AMZ1: variants seen among roughly 807,000 people sequenced by gnomAD.
AMZ1 encodes archaemetzincin-1.
Under a neutral mutation model 29.9 loss-of-function variants are expected in AMZ1, and 39 were observed. The ratio of observed to expected loss-of-function variants is 1.30; its 90% CI spans 1.01 to 1.70. The LOEUF is 1.70. Ranked by LOEUF, AMZ1 falls within the 40% of genes most tolerant of loss-of-function variation. AMZ1 has a pLI of 0.00. For synonymous variants in AMZ1, 458 were observed against 304.0 expected, an observed-to-expected ratio of 1.51 and a Z score of -5.27; for missense variants, 1,041 against 680.6, an observed-to-expected ratio of 1.53 and a Z score of -5.89.
upstream of AMZ1, among the ~76,000 whole-genome samples, chr7:2,688,020 G>T (rs544572262): frequency 6.6e-6 from 1 of 152,144 alleles, no homozygotes; most frequent in South Asian, 2.1e-4. Context: ...CCCCCTGCCC[G>T]GGTGTTTCTG....
At chr7:2,761,401 A>T (rs529034503), upstream of AMZ1, among the ~76,000 whole-genome samples, 1 of 152,368 alleles carries the variant, frequency 6.6e-6, no homozygotes, top group South Asian at 2.1e-4. Flanking sequence ...TGTGCCACAC[A>T]GACTCCCAAG....
At chr7:2,693,416 G>A (rs1001738319) in intron 1 of AMZ1, among the ~76,000 whole-genome samples, 2 of 152,074 alleles carry the variant, frequency 1.3e-5, no homozygotes, top group African/African-American at 4.8e-5. Context: ...GGGTCTTGCT[G>A]TCATCCAGGC....
chr7:2,708,555 T>A, intron 3 of AMZ1, 33 bp from the exon 4 acceptor site: 1 of 1,610,030 alleles, frequency 6.2e-7, no homozygotes, highest in Non-Finnish European at 8.5e-7. Flanking sequence ...CCCGGCTGCC[T>A]CCTGACCCCA....
At chr7:2,752,925 T>G (rs1382239768) in intron 4 of AMZ1, among the ~76,000 whole-genome samples, 1 of 152,188 alleles carries the variant, frequency 6.6e-6, no homozygotes, top group Non-Finnish European at 1.5e-5. Flanking sequence ...CCTGTCTAGA[T>G]TTGTGTAACC....
At chr7:2,723,655 G>T (rs1357015560), downstream of AMZ1, among the ~76,000 whole-genome samples, 1 of 152,166 alleles carries the variant, frequency 6.6e-6, no homozygotes, top group Non-Finnish European at 1.5e-5. Flanking sequence ...TCTCGGGGAC[G>T]ATTCAGATCA....
At chr7:2,709,289 T>C (rs1788591464) in intron 5 of AMZ1, 45 bp downstream of exon 5, 2 of 1,465,236 alleles carry the variant, frequency 1.4e-6, no homozygotes, top group Non-Finnish European at 9.0e-7. Flanking sequence ...AGGAGGGTGC[T>C]GTCTGAGCCC....
intron 4 of AMZ1, chr7:2,729,737 G>A (rs1191563970): frequency 6.6e-6 from 1 of 152,384 alleles, no homozygotes; most frequent in African/African-American, 2.4e-5. Flanking sequence ...CCAATTAAGA[G>A]GACGCTTTTC....
Position 2,719,171 on chromosome 7 carries a change from G to A in AMZ1, c.*6293G>A, listed in dbSNP as rs564282612. 6.6e-6 allele frequency among the ~76,000 whole-genome samples: 1 copy of A among 152,334 alleles called. No individual in the cohort carries two copies. The highest frequency in any genetic ancestry group is 1.5e-5 in the Non-Finnish European group (1 of 68,026). On this transcript the variant is annotated 3_prime_UTR_variant, in exon 7 of 7. Transcript: ENST00000683327. Reference sequence around the variant, plus strand: ...GATGCGGGCAGCAGCTTTGTCGGCTGCCAACCCAACTCCTCCGACAGAACG... The same window carrying A: ...GATGCGGGCAGCAGCTTTGTCGGCTACCAACCCAACTCCTCCGACAGAACG...
At chr7:2,743,992 A>G (rs924185403) in intron 4 of AMZ1, among the ~76,000 whole-genome samples, 1 of 152,206 alleles carries the variant, frequency 6.6e-6, no homozygotes. Context: ...ACCATTGCCG[A>G]GACTTGATTA....
At chr7:2,726,407 G>A (rs115576782) in intron 4 of AMZ1, among the ~76,000 whole-genome samples, 1 of 152,098 alleles carries the variant, frequency 6.6e-6, no homozygotes, top group Admixed American at 6.6e-5. Context: ...CATCAGAACC[G>A]CCTGGGACAT....
At chr7:2,733,544 G>A (rs548681574) in intron 4 of AMZ1, 14 of 1,461,398 alleles carry the variant, frequency 9.6e-6, no homozygotes, top group Admixed American at 1.7e-5. Context: ...CTGGACTGAG[G>A]AATCCTGATG....
chr7:2,726,921 A>C (rs186932961), intron 4 of AMZ1, among the ~76,000 whole-genome samples: 1 of 152,232 alleles, frequency 6.6e-6, no homozygotes, highest in Admixed American at 6.5e-5. Context: ...CCCCATGGGC[A>C]CCGCTGGTCT....
rs767859682 is a variant in AMZ1, at chr7:2,700,562, C to A, written c.111C>A (p.Ser37=). ...ALQQLYVSAF[S]PAERLFLAEA... ...AGCAGCTGTATGTGTCCGCCTTCTC[C>A]CCTGCCGAGCGGCTCTTCCTGGCCG... The change falls in exon 2 of 7, where the codon TCC becomes TCA. Residue 37 remains serine, a synonymous_variant. Coordinates refer to ENST00000683327, the MANE Select transcript of AMZ1 (RefSeq NM_001384743.1). 9 of 1,609,800 alleles carry A rather than the reference C, an allele frequency of 5.6e-6. No individual in the cohort carries two copies. In the Middle Eastern group the frequency reaches 8.2e-4, roughly 147 times the overall value.
At chr7:2,707,040 C>G (rs559308336) in intron 3 of AMZ1, among the ~76,000 whole-genome samples, 1 of 152,150 alleles carries the variant, frequency 6.6e-6, no homozygotes, top group East Asian at 1.9e-4. Context: ...TTTGGGAGAC[C>G]GAGGCAGACG....
chr7:2,701,393 G>A (rs769660096), intron 2 of AMZ1, among the ~76,000 whole-genome samples: 1 of 152,194 alleles, frequency 6.6e-6, no homozygotes, highest in Non-Finnish European at 1.5e-5. Context: ...CCCTGGGGCT[G>A]GGGTGCTCAT....
chr7:2,762,738 C>A, upstream of AMZ1: 1 of 1,555,480 alleles, frequency 6.4e-7, no homozygotes, highest in Non-Finnish European at 8.7e-7. Context: ...TGTCCTCCCT[C>A]CCGCAGGAAG....
chr7:2,756,443 T>C (rs1233748174), intron 4 of AMZ1, among the ~76,000 whole-genome samples: 1 of 152,006 alleles, frequency 6.6e-6, no homozygotes, highest in African/African-American at 2.4e-5. Flanking sequence ...TGAGACCTCA[T>C]CTCTGCAAAA....
chr7:2,733,963 G>T (rs1243571690), intron 4 of AMZ1, among the ~76,000 whole-genome samples: 1 of 152,242 alleles, frequency 6.6e-6, no homozygotes, highest in Non-Finnish European at 1.5e-5. Context: ...TGACGAAAAG[G>T]AGCATCTAGC....
At chr7:2,733,840 C>T (rs1401819511) in intron 4 of AMZ1, among the ~76,000 whole-genome samples, 1 of 152,164 alleles carries the variant, frequency 6.6e-6, no homozygotes, top group Non-Finnish European at 1.5e-5. Flanking sequence ...GCCATGCGGC[C>T]AGCAAAGGAC....
Sources: allele counts gnomAD v4.1 joint callset (sites outside exome capture counted in the v4.1 genomes callset), GRCh38; gene constraint gnomAD v4.1.1; transcripts MANE v1.5; gene names NCBI Gene and HGNC (gene_info 2026-07-23, HGNC 2026-07-21).